Variants in STXBP3 observed in about 807,000 individuals in gnomAD.
STXBP3 encodes the protein syntaxin binding protein 3, also known as syntaxin-binding protein 3.
In STXBP3, 41 loss-of-function variants were observed where a neutral mutation model predicts 85.7. The ratio of observed to expected loss-of-function variants is 0.48; its 90% CI spans 0.37 to 0.62. STXBP3 has a LOEUF of 0.62. STXBP3 is among the 20% of genes least tolerant of loss of function. The pLI is 0.00. For synonymous variants in STXBP3, 229 were observed against 231.7 expected (o/e 0.99, Z 0.10); for missense variants, 563 against 703.1 (o/e 0.80, Z 2.25).
Position 108,758,529 on chromosome 1 carries a change from A to C in STXBP3, c.278A>C (p.His93Pro). Reference sequence around the variant, plus strand: ...TTTAAGTCTGTAGATTGTTTCTTACATGATTTTGCAAGTAAATCGGAGAAC... The same window carrying C: ...TTTAAGTCTGTAGATTGTTTCTTACCTGATTTTGCAAGTAAATCGGAGAAC... The part of the protein sequence containing the change: ...PTSKSVDCFL[H>P]DFASKSENKY... Residue 93 changes from histidine (H) to proline (P), a missense_variant, in exon 5 of 19, where the codon CAT becomes CCT. Around this residue, in one of 3 missense-constraint regions of STXBP3, gnomAD observed 494 missense variants for 592.8 expected, o/e 0.83. Transcript: ENST00000370008. The C allele has an allele frequency of 6.5e-7, 1 of 1,539,446 alleles. No homozygotes were observed.
chr1:108,798,033 CA>C (rs1332392392), intron 15 of STXBP3, 111 bp from the exon 16 acceptor site: 9 of 897,496 alleles, frequency 1.0e-5, no homozygotes, highest in South Asian at 2.0e-5. Flanking sequence ...AGTTTTAAGT[CA>C]AATACAATAT....
intron 15 of STXBP3, among the ~76,000 whole-genome samples, 174 bp downstream of exon 15, chr1:108,796,900 A>G (rs1040809707): frequency 6.6e-5 from 10 of 152,126 alleles, no homozygotes; most frequent in African/African-American, 2.2e-4. Context: ...GGGCAAATGC[A>G]GTTTTCTAGC....
intron 12 of STXBP3, 111 bp downstream of exon 12, chr1:108,793,758 T>C (rs1663028679): frequency 1.2e-6 from 1 of 868,530 alleles, no homozygotes; most frequent in African/African-American, 1.7e-5. Flanking sequence ...TGGTGTTATT[T>C]GTCCTCTAAA....
Position 108,758,565 on chromosome 1 carries a change from C to A in STXBP3, c.314C>A (p.Ala105Glu). 6.5e-7 allele frequency: 1 copy of A among 1,534,332 alleles called. No homozygotes were observed. The highest frequency in any genetic ancestry group is 1.3e-5 in the South Asian group (1 of 76,648). ...FASKSENKYKAAYIYFTDFCP... is the reference protein window; with the variant it reads ...FASKSENKYKEAYIYFTDFCP... The stretch of plus-strand genomic sequence containing the variant: ...AGTAAATCGGAGAACAAGTATAAAG[C>A]AGCATATATTTACTTCACTGACTGT... Residue 105 changes from alanine (A) to glutamate (E), a missense_variant, in exon 5 of 19, where the codon GCA becomes GAA. Ala to Glu is a moderately radical substitution (Grantham distance 107). Coordinates refer to ENST00000370008, the MANE Select transcript of STXBP3 (RefSeq NM_007269.4).
At chr1:108,754,083 A>G (rs1460655789) in intron 3 of STXBP3, among the ~76,000 whole-genome samples, 1 of 140,142 alleles carries the variant, frequency 7.1e-6, no homozygotes, top group Non-Finnish European at 1.5e-5. Context: ...CCCAGGCTGG[A>G]GTGCAGTAGT....
intron 2 of STXBP3, 148 bp downstream of exon 2, chr1:108,752,454 G>C (rs957045728): frequency 4.2e-6 from 3 of 712,482 alleles, no homozygotes; most frequent in Non-Finnish European, 6.8e-6. Context: ...GATGTGTGTA[G>C]GTTACATGCA....
intron 6 of STXBP3, among the ~76,000 whole-genome samples, chr1:108,771,654 C>A (rs1263324148): frequency 5.9e-3 from 25 of 4,246 alleles, no homozygotes; most frequent in Non-Finnish European, 8.2e-3. Flanking sequence ...TGATATATAT[C>A]TATATATATC....
At chr1:108,763,261 C>A (rs988353283) in intron 6 of STXBP3, among the ~76,000 whole-genome samples, 5 of 152,020 alleles carry the variant, frequency 3.3e-5, no homozygotes, top group African/African-American at 9.7e-5. Context: ...AAAAGAAAAA[C>A]CTACCAAAAA....
chr1:108,768,786 T>C (rs114905015), intron 6 of STXBP3, among the ~76,000 whole-genome samples: 1,577 of 152,248 alleles, frequency 0.01, 14 homozygotes, highest in South Asian at 0.032. Flanking sequence ...AGAAATAAAG[T>C]TGGACATCAG....
At chr1:108,749,983 A>T (rs1384537224) in intron 1 of STXBP3, among the ~76,000 whole-genome samples, 1 of 152,086 alleles carries the variant, frequency 6.6e-6, no homozygotes, top group African/African-American at 2.4e-5. Flanking sequence ...TGTATTCTGT[A>T]CTTACAGGAT....
chr1:108,793,777 A>C (rs568287930), intron 12 of STXBP3, 130 bp downstream of exon 12: 1 of 655,438 alleles, frequency 1.5e-6, no homozygotes, highest in Non-Finnish European at 2.5e-6. Context: ...AAACCTTACT[A>C]TAGGTCTGAG....
intron 8 of STXBP3, among the ~76,000 whole-genome samples, chr1:108,777,561 T>C (rs923091451): frequency 3.3e-5 from 5 of 152,166 alleles, no homozygotes; most frequent in African/African-American, 1.2e-4. Flanking sequence ...GTACACATCG[T>C]AGATAGTGAA....
Position 108,772,210 on chromosome 1 carries a change from CTG to C in STXBP3, c.439-453_439-452del, listed in dbSNP as rs1331121776. On this transcript the variant is annotated intron_variant, in intron 6 of 18. Coordinates refer to ENST00000370008, the MANE Select transcript of STXBP3 (RefSeq NM_007269.4). ...TCATATATAAATACATGATATCTATCTGTATCATATATAAATACATGATATCT... is the reference window on the plus strand; with the variant it reads ...TCATATATAAATACATGATATCTATCTATCATATATAAATACATGATATCT... Among the ~76,000 whole-genome samples the C allele has an allele frequency of 9.7e-5, 5 of 51,362 alleles. 1 individual carries two copies. The highest frequency in any genetic ancestry group is 4.9e-4 in the East Asian group (2 of 4,086). The allele number at this position is 51,362 out of a possible 152,430, so 33.7% of individuals were successfully genotyped here.
intron 3 of STXBP3, 184 bp downstream of exon 3, chr1:108,753,328 TA>T (rs5776944): frequency 0.7 from 274,372 of 392,560 alleles, 100,721 homozygotes; most frequent in Non-Finnish European, 0.77. Flanking sequence ...AGCCGAGACA[TA>T]TAATTAAGAC....
chr1:108,793,009 A>G (rs938699918), intron 11 of STXBP3, among the ~76,000 whole-genome samples: 1 of 152,024 alleles, frequency 6.6e-6, no homozygotes, highest in African/African-American at 2.4e-5. Flanking sequence ...TCTTTACTAC[A>G]CCTTTGAGGG....
At chr1:108,799,896 G>A (rs1394417232) in intron 16 of STXBP3, among the ~76,000 whole-genome samples, 2 of 152,124 alleles carry the variant, frequency 1.3e-5, no homozygotes, top group Admixed American at 6.6e-5. Flanking sequence ...AGCTTTAGAA[G>A]TGTGTCACGA....
intron 1 of STXBP3, among the ~76,000 whole-genome samples, chr1:108,748,541 C>A (rs1661840715): frequency 6.6e-6 from 1 of 150,816 alleles, no homozygotes; most frequent in South Asian, 2.1e-4. Context: ...AAATAAATAG[C>A]TAGCGTAAGC....
chr1:108,807,768 G>C (rs1483335917), intron 18 of STXBP3, among the ~76,000 whole-genome samples: 1 of 151,904 alleles, frequency 6.6e-6, no homozygotes, highest in African/African-American at 2.4e-5. Flanking sequence ...GTAGAGACAG[G>C]GTTTCACCAT....
intron 11 of STXBP3, among the ~76,000 whole-genome samples, chr1:108,785,677 A>T (rs748124046): frequency 6.6e-6 from 1 of 152,088 alleles, no homozygotes; most frequent in African/African-American, 2.4e-5. Context: ...CAGGCTGCAG[A>T]TTTTTCAAAC....
Sources: allele counts gnomAD v4.1 joint callset (sites outside exome capture counted in the v4.1 genomes callset), GRCh38; gene constraint gnomAD v4.1.1; regional missense constraint gnomAD v4.1.1; transcripts MANE v1.5; gene names NCBI Gene and HGNC (gene_info 2026-07-23, HGNC 2026-07-21).